Variants in ABI2 observed in about 807,000 individuals in gnomAD.
ABI2 encodes abelson interactor 2.
ABI2 carries 25 observed loss-of-function variants against 59.2 expected under a neutral mutation model. That is an observed-to-expected ratio of 0.42 (90% confidence interval 0.31 to 0.59). ABI2 has a LOEUF of 0.59. Ranked by LOEUF, ABI2 falls within the 20% of genes least tolerant of loss-of-function variation. ABI2 has a pLI of 0.14. For missense variants in ABI2, 545 were observed against 681.8 expected (o/e 0.80, Z 2.23); for synonymous variants, 213 against 235.5 (o/e 0.90, Z 0.87).
intron 4 of ABI2, among the ~76,000 whole-genome samples, chr2:203,388,264 GT>G (rs1258977747): frequency 3.3e-5 from 5 of 152,166 alleles, no homozygotes; most frequent in Admixed American, 3.3e-4. Context: ...AAATTAGATT[GT>G]TTGGACATTC....
intron 2 of ABI2, among the ~76,000 whole-genome samples, chr2:203,377,513 T>G (rs1051716908): frequency 6.6e-6 from 1 of 152,196 alleles, no homozygotes; most frequent in Non-Finnish European, 1.5e-5. Context: ...CGAAGACCCA[T>G]TTTATAAAAA....
intron 10 of ABI2, among the ~76,000 whole-genome samples, chr2:203,412,982 C>T (rs1484078942): frequency 6.6e-6 from 1 of 152,132 alleles, no homozygotes; most frequent in African/African-American, 2.4e-5. Context: ...AATTTTTTTC[C>T]ATCACAAATC....
chr2:203,357,778 T>C (rs2092528128), intron 1 of ABI2, among the ~76,000 whole-genome samples: 1 of 152,096 alleles, frequency 6.6e-6, no homozygotes, highest in African/African-American at 2.4e-5. Flanking sequence ...TTTGTTTGTT[T>C]GTTTGTTTGA....
intron 1 of ABI2, among the ~76,000 whole-genome samples, chr2:203,353,401 T>A (rs1171209687): frequency 2.0e-5 from 3 of 152,228 alleles, no homozygotes; most frequent in African/African-American, 7.2e-5. Flanking sequence ...GTTGCAGTTT[T>A]ATTAGATACC....
At chr2:203,354,636 A>G (rs1308597020) in intron 1 of ABI2, among the ~76,000 whole-genome samples, 1 of 152,222 alleles carries the variant, frequency 6.6e-6, no homozygotes, top group South Asian at 2.1e-4. Flanking sequence ...TACAGCAACA[A>G]TAATAGCCAG....
At chr2:203,343,779 T>G (rs1215959648) in intron 1 of ABI2, among the ~76,000 whole-genome samples, 1 of 152,226 alleles carries the variant, frequency 6.6e-6, no homozygotes, top group Non-Finnish European at 1.5e-5. Context: ...CTTTGGCCAC[T>G]AATCAGGTCC....
At chr2:203,367,773 T>A (rs1010840215) in intron 2 of ABI2, among the ~76,000 whole-genome samples, 2 of 151,914 alleles carry the variant, frequency 1.3e-5, no homozygotes, top group African/African-American at 4.8e-5. Context: ...GAGGCTGAGG[T>A]GGGAGGATCG....
rs1478318071 is a variant in ABI2, at chr2:203,428,006, G to A, written c.*654G>A. On this transcript the variant is annotated 3_prime_UTR_variant, in exon 12 of 12. Coordinates refer to ENST00000261018, the MANE Select transcript of ABI2 (RefSeq NM_001375670.1). ...ATTATAAGGATGATGAAATGTGAAA[G>A]TCTCCCAACACTCTGAGGGTGGTGA... 1 of 152,200 alleles carries A rather than the reference G, an allele frequency of 6.6e-6. No individual in the cohort carries two copies. The highest frequency in any genetic ancestry group is 2.4e-5 in the African/African-American group (1 of 41,426). 9.4% of individuals were successfully genotyped at this position (152,200 alleles called of 1,614,324 possible). A position where few individuals can be genotyped will look rare whatever the true frequency, so the allele number is the denominator to read the frequency against.
intron 10 of ABI2, among the ~76,000 whole-genome samples, chr2:203,416,507 G>A (rs1042341315): frequency 6.6e-6 from 1 of 152,134 alleles, no homozygotes; most frequent in African/African-American, 2.4e-5. Flanking sequence ...TGTTGCCCAG[G>A]CTGGTCTTGA....
intron 8 of ABI2, among the ~76,000 whole-genome samples, chr2:203,401,873 A>G (rs1399778578): frequency 6.6e-6 from 1 of 152,136 alleles, no homozygotes; most frequent in African/African-American, 2.4e-5. Flanking sequence ...CTGTGTGTCA[A>G]ACATTTTTTC....
intron 11 of ABI2, among the ~76,000 whole-genome samples, chr2:203,423,157 C>T (rs1022192193): frequency 6.6e-6 from 1 of 152,028 alleles, no homozygotes; most frequent in Non-Finnish European, 1.5e-5. Flanking sequence ...TCCTTTTGGG[C>T]CTTTTTGTTT....
At position 203,363,631 on chromosome 2, in the gene ABI2, C is replaced by T. The variant is rs541629108; in HGVS notation, c.118-3246C>T. On this transcript the variant is annotated intron_variant, in intron 1 of 11. Coordinates refer to ENST00000261018, the MANE Select transcript of ABI2 (RefSeq NM_001375670.1). ...ACTCCCACAAATAAGTGAGAACATG[C>T]GATCTTTCTGTGCCTGGCTTGTTTC... Among the ~76,000 whole-genome samples, 9 of 152,244 alleles carry T rather than the reference C, an allele frequency of 5.9e-5. No individual in the cohort carries two copies. In the South Asian group the frequency reaches 1.0e-3, roughly 18 times the overall value.
At chr2:203,380,430 G>T in intron 3 of ABI2, 46 bp downstream of exon 3, 1 of 1,244,376 alleles carries the variant, frequency 8.0e-7, no homozygotes, top group Non-Finnish European at 1.1e-6. Flanking sequence ...AACCCATAAT[G>T]AAACCAACTC....
intron 5 of ABI2, among the ~76,000 whole-genome samples, chr2:203,393,033 A>T (rs188476048): frequency 2.6e-4 from 39 of 152,174 alleles, no homozygotes; most frequent in Non-Finnish European, 7.4e-5. Flanking sequence ...ATTATCAAAT[A>T]ATTTTTACTT....
intron 10 of ABI2, among the ~76,000 whole-genome samples, chr2:203,413,595 A>T (rs544475003): frequency 6.6e-6 from 1 of 152,246 alleles, no homozygotes; most frequent in East Asian, 1.9e-4. Context: ...CATTTACACA[A>T]CGTATAAAAA....
rs750379504 is a variant in ABI2, at chr2:203,395,448, T to TATATATATATATATAC, written c.726-207_726-206insTATATATATATATACA. Among the ~76,000 whole-genome samples the TATATATATATATATAC allele has an allele frequency of 2.8e-3, 327 of 115,296 alleles. 1 individual carries two copies. Among genetic ancestry groups the TATATATATATATATAC allele is most frequent in the African/African-American group, 6.2e-3 (207 of 33,156 alleles). 75.6% of individuals were successfully genotyped at this position (115,296 alleles called of 152,430 possible). On this transcript the variant is annotated intron_variant, in intron 6 of 11. Coordinates refer to ENST00000261018, the MANE Select transcript of ABI2 (RefSeq NM_001375670.1). The stretch of plus-strand genomic sequence containing the variant: ...TAATAAGTAAATATATATATATATA[T>TATATATATATATATAC]ACACACACACACACACACACACACA...
chr2:203,354,126 C>A (rs1176490308), intron 1 of ABI2, among the ~76,000 whole-genome samples: 1 of 152,122 alleles, frequency 6.6e-6, no homozygotes, highest in Non-Finnish European at 1.5e-5. Flanking sequence ...TTCACTGCAA[C>A]CTCCACCTCC....
intron 1 of ABI2, chr2:203,351,602 C>CAT: frequency 2.3e-6 from 1 of 433,266 alleles, no homozygotes; most frequent in South Asian, 1.6e-5. Flanking sequence ...GTGGTGTGAT[C>CAT]ATAGCTCACT....
intron 2 of ABI2, among the ~76,000 whole-genome samples, chr2:203,369,241 T>C (rs1238631849): frequency 6.6e-6 from 1 of 151,834 alleles, no homozygotes; most frequent in Non-Finnish European, 1.5e-5. Context: ...GTTTGAAGCA[T>C]TAGCAAAGGA....
Sources: allele counts gnomAD v4.1 joint callset (sites outside exome capture counted in the v4.1 genomes callset), GRCh38; gene constraint gnomAD v4.1.1; transcripts MANE v1.5; gene names NCBI Gene and HGNC (gene_info 2026-07-23, HGNC 2026-07-21).